Variants in JAKMIP1 observed in about 807,000 individuals in gnomAD.
JAKMIP1 encodes janus kinase and microtubule-interacting protein 1.
Under a neutral mutation model 113.0 loss-of-function variants are expected in JAKMIP1, and 33 were observed. The observed-to-expected ratio is 0.29, with a 90% CI of 0.22 to 0.39. The LOEUF is 0.39. Among genes scored for constraint, JAKMIP1 ranks in the 10% least tolerant of loss-of-function variants. The probability of loss-of-function intolerance (pLI) is 1.00; values close to 1 mark genes in which losing one functional copy is unlikely to be tolerated. For synonymous variants in JAKMIP1, 480 were observed against 459.9 expected, an observed-to-expected ratio of 1.04 and a Z score of -0.56; for missense variants, 813 against 1,080.5, an observed-to-expected ratio of 0.75 and a Z score of 3.47.
At chr4:6,190,751 C>T (rs1396280985) in intron 1 of JAKMIP1, among the ~76,000 whole-genome samples, 1 of 152,264 alleles carries the variant, frequency 6.6e-6, no homozygotes, top group African/African-American at 2.4e-5. Context: ...GGAACAAGCA[C>T]ACACACCCAG....
intron 1 of JAKMIP1, among the ~76,000 whole-genome samples, chr4:6,120,086 G>C (rs1234497505): frequency 6.6e-6 from 1 of 152,118 alleles, no homozygotes; most frequent in Non-Finnish European, 1.5e-5. Flanking sequence ...GAAATCCCAG[G>C]GGTCTCCGTG....
At chr4:6,190,284 A>G (rs761714915) in intron 1 of JAKMIP1, among the ~76,000 whole-genome samples, 1 of 152,330 alleles carries the variant, frequency 6.6e-6, no homozygotes, top group South Asian at 2.1e-4. Context: ...ACTATAGTGA[A>G]GCAGATTAAC....
chr4:6,112,392 C>G (rs889358898), intron 2 of JAKMIP1, among the ~76,000 whole-genome samples: 1 of 152,186 alleles, frequency 6.6e-6, no homozygotes, highest in African/African-American at 2.4e-5. Flanking sequence ...GGGGACTGCC[C>G]CATCCTCGAA....
rs1335353889 is a variant in JAKMIP1 at position 6,031,010 on chromosome 4, T to C, written c.2380-1229A>G. The stretch of plus-strand genomic sequence containing the variant: ...TAGTCACTCAGTAAATAGGACTCCA[T>C]ATGCCTGGGCCTGTTCCAGTCCTGG... On this transcript the variant is annotated intron_variant, in intron 19 of 20. Transcript: ENST00000409021. The surrounding 1 kb of genome is among the most constrained non-coding windows in gnomAD (Gnocchi z 4.4). Among the ~76,000 whole-genome samples the C allele has an allele frequency of 6.6e-6, 1 of 152,194 alleles. No homozygotes were observed. The highest frequency in any genetic ancestry group is 1.5e-5 in the Non-Finnish European group (1 of 68,030).
intron 1 of JAKMIP1, among the ~76,000 whole-genome samples, chr4:6,127,784 C>T (rs993077809): frequency 2.6e-5 from 4 of 152,268 alleles, no homozygotes; most frequent in African/African-American, 9.6e-5. Flanking sequence ...CCCACTCGGG[C>T]TCACCCTTGG....
At position 6,053,944 on chromosome 4, in the gene JAKMIP1, CT is replaced by C. The variant is rs1394723921; in HGVS notation, c.1806+105del. 1.0e-5 allele frequency: 16 copies of C among 1,596,056 alleles called. No individual in the cohort carries two copies. The Admixed American group carries it at 1.2e-4, about 12-fold the overall frequency. On this transcript the variant is annotated intron_variant, in intron 13 of 20. Transcript: ENST00000409021. ...AAAGAAAGAAACTATAACATGTCCC[CT>C]TTACACATGCTTGAAAACATCTGAG...
At chr4:6,124,053 G>C (rs556064405) in intron 1 of JAKMIP1, among the ~76,000 whole-genome samples, 1 of 152,350 alleles carries the variant, frequency 6.6e-6, no homozygotes, top group Non-Finnish European at 1.5e-5. Flanking sequence ...GTGCCATAGA[G>C]AGGACCCGGA....
chr4:6,133,588 G>GT lies in JAKMIP1; in HGVS notation c.-147-20592dup, dbSNP rs369325437. On this transcript the variant is annotated intron_variant, in intron 1 of 20. Transcript: ENST00000409021. ...CTAGCCATGATGTTAATGCCTGATAGTGGGTGGTGGGCAGGGGGCGCATGG... is the reference window on the plus strand; with the variant it reads ...CTAGCCATGATGTTAATGCCTGATAGTTGGGTGGTGGGCAGGGGGCGCATGG... 1.3e-4 allele frequency among the ~76,000 whole-genome samples: 20 copies of GT among 152,334 alleles called. No homozygotes were observed. The East Asian group carries it at 3.7e-3, about 28-fold the overall frequency.
At chr4:6,182,095 A>G (rs1388602047) in intron 1 of JAKMIP1, among the ~76,000 whole-genome samples, 1 of 152,158 alleles carries the variant, frequency 6.6e-6, no homozygotes, top group Non-Finnish European at 1.5e-5. Flanking sequence ...TGAAGCCCTC[A>G]TGATGAGATT....
chr4:6,139,922 GA>G lies in JAKMIP1; in HGVS notation c.-147-26926del, dbSNP rs1242391369. Reference sequence around the variant, plus strand: ...ACCAAGGACTGCCACCAAAGCACAGGAAGCCAGGGGAGAGGCCTGGGGCAGA... The same window carrying G: ...ACCAAGGACTGCCACCAAAGCACAGGAGCCAGGGGAGAGGCCTGGGGCAGA... On this transcript the variant is annotated intron_variant, in intron 1 of 20. Coordinates refer to ENST00000409021, the MANE Select transcript of JAKMIP1 (RefSeq NM_001099433.2). This position sits in a 1 kb window ranked among gnomAD's most constrained non-coding sequence, Gnocchi z 5.2. Among the ~76,000 whole-genome samples the G allele has an allele frequency of 5.3e-5, 8 of 152,118 alleles. No individual in the cohort carries two copies. Among genetic ancestry groups the G allele is most frequent in the Non-Finnish European group, 4.4e-5 (3 of 68,030 alleles).
At chr4:6,068,524 G>A (rs1156616870) in intron 8 of JAKMIP1, among the ~76,000 whole-genome samples, 4 of 149,188 alleles carry the variant, frequency 2.7e-5, no homozygotes, top group African/African-American at 7.4e-5. Flanking sequence ...AACCCCTCAG[G>A]TTTTTATGCT....
rs1247506515 is a variant in JAKMIP1 at position 6,156,474 on chromosome 4, C to G, written c.-147-43477G>C. On this transcript the variant is annotated intron_variant, in intron 1 of 20. Transcript: ENST00000409021. This position sits in a 1 kb window ranked among gnomAD's most constrained non-coding sequence, Gnocchi z 5.0. The stretch of plus-strand genomic sequence containing the variant: ...TTTAAAAGTTTAAATTAGCTGCCAA[C>G]ACAGCTAACAGATTGTTGTGCATTT... 6.6e-6 allele frequency among the ~76,000 whole-genome samples: 1 copy of G among 152,218 alleles called. No individual in the cohort carries two copies. Among genetic ancestry groups the G allele is most frequent in the African/African-American group, 2.4e-5 (1 of 41,452 alleles).
intron 19 of JAKMIP1, among the ~76,000 whole-genome samples, chr4:6,030,978 G>A (rs1478352308): frequency 1.3e-5 from 2 of 152,192 alleles, no homozygotes; most frequent in African/African-American, 4.8e-5. Context: ...ACCACTGTGG[G>A]CACATTTAGT....
At chr4:6,038,102 T>C (rs1468029009) in intron 18 of JAKMIP1, among the ~76,000 whole-genome samples, 20 of 124,134 alleles carry the variant, frequency 1.6e-4, no homozygotes, top group African/African-American at 5.1e-4. Flanking sequence ...CCTCCATCAC[T>C]GAGGCAGAGG....
Position 6,080,344 on chromosome 4 carries a change from G to T in JAKMIP1, c.1102-32C>A. 1 of 1,608,508 alleles carries T rather than the reference G, an allele frequency of 6.2e-7. No homozygotes were observed. The highest frequency in any genetic ancestry group is 1.3e-5 in the African/African-American group (1 of 74,998). ...CCACAGGGAGACAGACCACCACAGGGTTACCCGCCAACAGTGTTTGTTAGG... is the reference window on the plus strand; with the variant it reads ...CCACAGGGAGACAGACCACCACAGGTTTACCCGCCAACAGTGTTTGTTAGG... On this transcript the variant is annotated intron_variant, in intron 6 of 20. Transcript: ENST00000409021. The surrounding 1 kb of genome is among the most constrained non-coding windows in gnomAD (Gnocchi z 6.0).
chr4:6,183,850 A>G lies in JAKMIP1; in HGVS notation c.-148+16403T>C, dbSNP rs1057248654. Among the ~76,000 whole-genome samples the G allele has an allele frequency of 6.6e-6, 1 of 152,188 alleles. No homozygotes were observed. Among genetic ancestry groups the G allele is most frequent in the African/African-American group, 2.4e-5 (1 of 41,438 alleles). ...GTGAAATGCACTCTGAGAATGCAAG[A>G]CAAGTCACTCCCAAAAACGGAATCA... On this transcript the variant is annotated intron_variant, in intron 1 of 20. Transcript: ENST00000409021. This position sits in a 1 kb window ranked among gnomAD's most constrained non-coding sequence, Gnocchi z 5.3.
At chr4:6,190,527 G>C (rs1727141224) in intron 1 of JAKMIP1, among the ~76,000 whole-genome samples, 1 of 152,116 alleles carries the variant, frequency 6.6e-6, no homozygotes, top group Non-Finnish European at 1.5e-5. Context: ...GCTCAGATAA[G>C]TCACTCACTC....
At position 6,139,178 on chromosome 4, in the gene JAKMIP1, G is replaced by T. The variant is rs1322279532; in HGVS notation, c.-147-26181C>A. 6.7e-6 allele frequency among the ~76,000 whole-genome samples: 1 copy of T among 149,804 alleles called. No homozygotes were observed. The highest frequency in any genetic ancestry group is 2.4e-5 in the African/African-American group (1 of 41,070). On this transcript the variant is annotated intron_variant, in intron 1 of 20. Coordinates refer to ENST00000409021, the MANE Select transcript of JAKMIP1 (RefSeq NM_001099433.2). The surrounding 1 kb of genome is among the most constrained non-coding windows in gnomAD (Gnocchi z 5.2). The stretch of plus-strand genomic sequence containing the variant: ...CCACTTTCCCCCTGAATTTTAACCT[G>T]CTTTGGGAGGGTTCCCATGGGCTCC...
chr4:6,102,207 CTTAT>C (rs2108867438), intron 3 of JAKMIP1, among the ~76,000 whole-genome samples: 1 of 152,202 alleles, frequency 6.6e-6, no homozygotes, highest in East Asian at 1.9e-4. Context: ...ATTGAAACAA[CTTAT>C]TTGTGTGTAT....
Sources: allele counts gnomAD v4.1 joint callset (sites outside exome capture counted in the v4.1 genomes callset), GRCh38; gene constraint gnomAD v4.1.1; non-coding constraint Gnocchi (gnomAD v3.1); transcripts MANE v1.5; gene names NCBI Gene and HGNC (gene_info 2026-07-23, HGNC 2026-07-21).